RBFOX1: variants seen among roughly 807,000 people sequenced by gnomAD.
RBFOX1 encodes RNA binding protein fox-1 homolog 1.
In RBFOX1, 8 loss-of-function variants were observed where a neutral mutation model predicts 57.7. That is an observed-to-expected ratio of 0.14 (90% CI 0.08 to 0.25). The LOEUF is 0.25. Ranked by LOEUF, RBFOX1 falls within the 10% of genes least tolerant of loss-of-function variation. RBFOX1 has a pLI of 1.00. For synonymous variants in RBFOX1, 326 were observed against 222.4 expected (o/e 1.47, Z -4.15); for missense variants, 611 against 548.5 (o/e 1.11, Z -1.14).
chr16:7,285,640 T>G (rs184857727), intron 4 of RBFOX1, among the ~76,000 whole-genome samples: 3 of 152,126 alleles, frequency 2.0e-5, no homozygotes, highest in Admixed American at 2.0e-4. Context: ...AGTACCTGAC[T>G]TTTAGGCATT....
chr16:7,609,441 G>C (rs1031428826), intron 10 of RBFOX1, among the ~76,000 whole-genome samples: 2 of 152,106 alleles, frequency 1.3e-5, no homozygotes, highest in Non-Finnish European at 2.9e-5. Context: ...AAACAGTTAA[G>C]ACTGATTTGT....
At chr16:6,731,356 C>G (rs1166694992) in intron 3 of RBFOX1, among the ~76,000 whole-genome samples, 1 of 152,092 alleles carries the variant, frequency 6.6e-6, no homozygotes, top group African/African-American at 2.4e-5. Flanking sequence ...TCGTTGATGT[C>G]TAGGGCACGA....
At chr16:6,021,115 G>A (rs2095066754) in intron 1 of RBFOX1, among the ~76,000 whole-genome samples, 1 of 152,230 alleles carries the variant, frequency 6.6e-6, no homozygotes, top group African/African-American at 2.4e-5. Context: ...AGTTGAACTT[G>A]AAAAGAAGTG....
intron 3 of RBFOX1, among the ~76,000 whole-genome samples, chr16:6,988,747 G>GTTT (rs1491349866): frequency 0.042 from 4,232 of 101,380 alleles, 358 homozygotes; most frequent in African/African-American, 0.16. Flanking sequence ...TTTTTTGTTT[G>GTTT]TTTGTTTTTT....
chr16:7,319,659 G>A (rs1299645445), intron 4 of RBFOX1, among the ~76,000 whole-genome samples: 2 of 152,172 alleles, frequency 1.3e-5, no homozygotes, highest in African/African-American at 4.8e-5. Context: ...GGGCACCTGA[G>A]TGTTGGTGCC....
intron 2 of RBFOX1, among the ~76,000 whole-genome samples, chr16:6,433,880 C>T (rs1175356881): frequency 7.2e-6 from 1 of 138,306 alleles, no homozygotes; most frequent in Non-Finnish European, 1.5e-5. Flanking sequence ...GGGGGTCTCA[C>T]TCTGTTTCCC....
At chr16:6,935,985 A>G (rs1253065827) in intron 3 of RBFOX1, among the ~76,000 whole-genome samples, 1 of 152,158 alleles carries the variant, frequency 6.6e-6, no homozygotes, top group Non-Finnish European at 1.5e-5. Flanking sequence ...CAGTGATTGC[A>G]TATCTGGGGG....
chr16:5,476,884 C>T (rs189136092), intron 2 of RBFOX1, among the ~76,000 whole-genome samples: 1 of 152,174 alleles, frequency 6.6e-6, no homozygotes, highest in South Asian at 2.1e-4. Flanking sequence ...ATCTAGTTCT[C>T]CCAGTTATTC....
intron 3 of RBFOX1, among the ~76,000 whole-genome samples, chr16:6,944,886 G>A (rs1375778553): frequency 6.6e-6 from 1 of 152,162 alleles, no homozygotes; most frequent in African/African-American, 2.4e-5. Context: ...TGATTCGTGG[G>A]TAGCTATGAA....
rs367695777 is a variant in RBFOX1, at chr16:5,501,773, G to C, written c.258+34519G>C. Among the ~76,000 whole-genome samples the C allele has an allele frequency of 9.9e-5, 15 of 152,256 alleles. 1 individual carries two copies. The Middle Eastern group carries it at 0.017, about 173-fold the overall frequency. Reference sequence around the variant, plus strand: ...CTGTCACCCAGGCTGGAGTGTAGTGGTGCGGTCACAGCTCCCTGCAGTCTC... The same window carrying C: ...CTGTCACCCAGGCTGGAGTGTAGTGCTGCGGTCACAGCTCCCTGCAGTCTC... On this transcript the variant is annotated intron_variant, in intron 2 of 2. Coordinates refer to the RBFOX1 transcript ENST00000585867.
intron 1 of RBFOX1, among the ~76,000 whole-genome samples, chr16:6,278,981 T>G (rs992738893): frequency 1.2e-4 from 18 of 152,176 alleles, no homozygotes; most frequent in African/African-American, 4.3e-4. Flanking sequence ...CTATTTTCCA[T>G]TCCTTTGGTC....
intron 3 of RBFOX1, among the ~76,000 whole-genome samples, chr16:7,011,034 T>C (rs1042848749): frequency 6.6e-6 from 1 of 152,014 alleles, no homozygotes; most frequent in African/African-American, 2.4e-5. Context: ...TTCAAGTCAA[T>C]TTGTGGCCTT....
intron 1 of RBFOX1, among the ~76,000 whole-genome samples, chr16:5,403,349 C>CAAAAAAAAAAA (rs767830099): frequency 1.2e-5 from 1 of 82,248 alleles, no homozygotes; most frequent in Non-Finnish European, 2.8e-5. Flanking sequence ...AACGCTGTCT[C>CAAAAAAAAAAA]AAAAAAAAAA....
chr16:7,141,423 G>A (rs1038157883), intron 4 of RBFOX1, among the ~76,000 whole-genome samples: 4 of 151,184 alleles, frequency 2.6e-5, no homozygotes, highest in Non-Finnish European at 5.9e-5. Context: ...AGACCTTATC[G>A]CATGATTGTT....
At chr16:6,876,755 G>C (rs930221167) in intron 3 of RBFOX1, among the ~76,000 whole-genome samples, 1 of 151,952 alleles carries the variant, frequency 6.6e-6, no homozygotes, top group Non-Finnish European at 1.5e-5. Context: ...TAATTTGTGT[G>C]CTTTTTCTTA....
At chr16:5,620,610 A>G (rs995579356) in intron 3 of RBFOX1, among the ~76,000 whole-genome samples, 3 of 152,112 alleles carry the variant, frequency 2.0e-5, no homozygotes, top group African/African-American at 7.2e-5. Context: ...TTGTGTCAGT[A>G]TCCTCACCTC....
chr16:5,729,899 C>T (rs747573372), intron 3 of RBFOX1, among the ~76,000 whole-genome samples: 1 of 152,220 alleles, frequency 6.6e-6, no homozygotes, highest in African/African-American at 2.4e-5. Flanking sequence ...CTGCATACTG[C>T]ATCTAAGCTC....
At chr16:7,565,998 G>T (rs1218269865) in intron 5 of RBFOX1, among the ~76,000 whole-genome samples, 1 of 152,168 alleles carries the variant, frequency 6.6e-6, no homozygotes, top group African/African-American at 2.4e-5. Context: ...ATTCAGGAAA[G>T]ACTTGCCGAG....
chr16:6,554,016 T>C (rs2097046738), intron 2 of RBFOX1, among the ~76,000 whole-genome samples: 1 of 150,760 alleles, frequency 6.6e-6, no homozygotes. Flanking sequence ...TAGGGATGAA[T>C]AAATGTGTTT....
Sources: allele counts gnomAD v4.1 joint callset (sites outside exome capture counted in the v4.1 genomes callset), GRCh38; gene constraint gnomAD v4.1.1; transcripts MANE v1.5; gene names NCBI Gene and HGNC (gene_info 2026-07-23, HGNC 2026-07-21).